Variants in ERCC8 observed in about 807,000 individuals in gnomAD.
The protein encoded by ERCC8 is DNA excision repair protein ERCC-8.
A neutral mutation model predicts 54.9 loss-of-function variants in ERCC8; 52 were observed. That is an observed-to-expected ratio of 0.95 (90% CI 0.76 to 1.19). The LOEUF is 1.19. Among genes scored for constraint, ERCC8 ranks in the 50% most tolerant of loss-of-function variants. The pLI is 0.00. For synonymous variants in ERCC8, 146 were observed against 157.2 expected (o/e 0.93, Z 0.53); for missense variants, 514 against 466.1 (o/e 1.10, Z -0.95).
intron 2 of ERCC8, chr5:60,924,462 G>C (rs1463718478): frequency 6.5e-6 from 1 of 154,426 alleles, no homozygotes; most frequent in African/African-American, 2.4e-5. Flanking sequence ...TAAAATCCTT[G>C]ACTCACATTT....
chr5:60,933,216 C>CTTTTTTTTTTTT (rs143139297), intron 1 of ERCC8, among the ~76,000 whole-genome samples: 21 of 89,486 alleles, frequency 2.3e-4, no homozygotes, highest in Admixed American at 5.0e-4. Flanking sequence ...CCTTTTTTTT[C>CTTTTTTTTTTTT]TTTTTTTTTT....
intron 11 of ERCC8, among the ~76,000 whole-genome samples, chr5:60,885,331 A>G (rs1169947903): frequency 1.3e-5 from 2 of 152,088 alleles, no homozygotes; most frequent in Non-Finnish European, 2.9e-5. Flanking sequence ...ATCTTTAAGA[A>G]TTAAACAATT....
chr5:60,885,195 G>A (rs1332709832), intron 11 of ERCC8, among the ~76,000 whole-genome samples: 1 of 151,892 alleles, frequency 6.6e-6, no homozygotes, highest in African/African-American at 2.4e-5. Flanking sequence ...TCTATTTTTT[G>A]TAGAGATGGG....
chr5:60,886,944 TAGA>T (rs1748411947), intron 11 of ERCC8, among the ~76,000 whole-genome samples: 1 of 152,048 alleles, frequency 6.6e-6, no homozygotes, highest in Admixed American at 6.6e-5. Flanking sequence ...AGAATATCAT[TAGA>T]AATGTTTACA....
chr5:60,907,008 A>C (rs1370487127), intron 4 of ERCC8, among the ~76,000 whole-genome samples: 1 of 152,238 alleles, frequency 6.6e-6, no homozygotes, highest in Non-Finnish European at 1.5e-5. Context: ...CTTGCCCATG[A>C]GCCCAGACTT....
At chr5:60,878,147 G>T (rs1007611017) in intron 11 of ERCC8, among the ~76,000 whole-genome samples, 1 of 152,144 alleles carries the variant, frequency 6.6e-6, no homozygotes, top group Non-Finnish European at 1.5e-5. Context: ...TTTTGTCATT[G>T]GTTCTGTTTA....
intron 1 of ERCC8, among the ~76,000 whole-genome samples, chr5:60,929,417 G>C (rs189921460): frequency 7.2e-5 from 11 of 152,102 alleles, no homozygotes; most frequent in African/African-American, 9.6e-5. Flanking sequence ...GCAACATAGC[G>C]AGACCCCATC....
intron 7 of ERCC8, among the ~76,000 whole-genome samples, chr5:60,901,167 C>G (rs1748894098): frequency 6.6e-6 from 1 of 151,932 alleles, no homozygotes; most frequent in African/African-American, 2.4e-5. Flanking sequence ...TATTTGATTA[C>G]TACTTCCTAT....
rs1747880496 is a variant in ERCC8, at chr5:60,872,351, A to C, written c.*2264T>G. ...CTTCTGCACAGCAAAGGAAACAATT[A>C]ATAGGGTGAAGAGACAACCTACAGA... is the stretch of plus-strand genomic sequence containing the variant. On this transcript the variant is annotated 3_prime_UTR_variant, in exon 12 of 12. Transcript: ENST00000676185. Among the ~76,000 whole-genome samples, 1 of 152,140 alleles carries C rather than the reference A, an allele frequency of 6.6e-6. No homozygotes were observed. Among genetic ancestry groups the C allele is most frequent in the South Asian group, 2.1e-4 (1 of 4,828 alleles).
chr5:60,878,534 T>G (rs1748091744), intron 11 of ERCC8, among the ~76,000 whole-genome samples: 1 of 152,236 alleles, frequency 6.6e-6, no homozygotes, highest in South Asian at 2.1e-4. Flanking sequence ...TATCAATGAT[T>G]GCCTCAATTT....
intron 11 of ERCC8, among the ~76,000 whole-genome samples, chr5:60,883,817 G>C (rs1408181148): frequency 6.6e-6 from 1 of 152,174 alleles, no homozygotes; most frequent in Non-Finnish European, 1.5e-5. Flanking sequence ...GTCTTGACCA[G>C]ACCAGCTTTT....
At chr5:60,875,739 C>G (rs147517431) in intron 11 of ERCC8, among the ~76,000 whole-genome samples, 1 of 152,070 alleles carries the variant, frequency 6.6e-6, no homozygotes, top group African/African-American at 2.4e-5. Flanking sequence ...CACTGTCGCC[C>G]GGGCTGGAGT....
At chr5:60,914,861 G>A (rs1580018201) in intron 4 of ERCC8, among the ~76,000 whole-genome samples, 1 of 149,216 alleles carries the variant, frequency 6.7e-6, no homozygotes, top group Non-Finnish European at 1.5e-5. Context: ...TGACTAATAT[G>A]TAGTTTTCCC....
At chr5:60,891,992 A>T (rs1748576025) in intron 9 of ERCC8, 1 of 530,406 alleles carries the variant, frequency 1.9e-6, no homozygotes, top group South Asian at 1.4e-5. Flanking sequence ...ATGGAATCAG[A>T]CAGCTCCCTG....
At chr5:60,889,938 TC>T (rs1369082574) in intron 10 of ERCC8, among the ~76,000 whole-genome samples, 2 of 152,062 alleles carry the variant, frequency 1.3e-5, no homozygotes, top group Non-Finnish European at 2.9e-5. Flanking sequence ...GTCTTGTAGG[TC>T]CCCTTTTAGT....
chr5:60,931,790 A>G lies in ERCC8; in HGVS notation c.78-2831T>C, dbSNP rs115291910. 1.5e-3 allele frequency among the ~76,000 whole-genome samples: 221 copies of G among 152,292 alleles called. 1 individual carries two copies. The highest frequency in any genetic ancestry group is 5.2e-3 in the African/African-American group (217 of 41,550). ...TATATGCTCTTTGTAACAAGTAAAA[A>G]CAGTATCATTCAAACATGTATAAAG... On this transcript the variant is annotated intron_variant, in intron 1 of 11. Coordinates refer to ENST00000676185, the MANE Select transcript of ERCC8 (RefSeq NM_000082.4).
intron 10 of ERCC8, among the ~76,000 whole-genome samples, chr5:60,890,268 C>T (rs1168700125): frequency 2.0e-5 from 3 of 152,062 alleles, no homozygotes; most frequent in Non-Finnish European, 4.4e-5. Context: ...TTTCATTTTC[C>T]TTACCTACAA....
rs764193963 is a variant in ERCC8 at position 60,922,153 on chromosome 5, A to G, written c.176T>C (p.Met59Thr). The G allele has an allele frequency of 6.3e-6, 10 of 1,585,208 alleles. No individual in the cohort carries two copies. In the South Asian group the frequency reaches 1.1e-4, roughly 18 times the overall value. The change falls in exon 3 of 12, where the codon ATG (methionine) becomes ACG (threonine). Residue 59 changes from methionine (M) to threonine (T), a missense_variant and splice_region_variant. Physicochemically the swap from Met to Thr is moderately conservative, Grantham distance 81 (BLOSUM62 -1). Transcript: ENST00000676185. ...CACACCATCTGAACCACCTGATAAC[A>G]TGCTGATAATAAAAAAGTTCACATT... Reference protein sequence around the residue: ...LDIEPVEGRYMLSGGSDGVIV... With the variant: ...LDIEPVEGRYTLSGGSDGVIV...
chr5:60,895,039 C>T (rs574013950), intron 9 of ERCC8, among the ~76,000 whole-genome samples: 48 of 151,944 alleles, frequency 3.2e-4, no homozygotes, highest in African/African-American at 9.4e-4. Flanking sequence ...GGCCTGGTGG[C>T]GGGTACCTGT....
Sources: gnomAD v4.1 joint callset for allele counts (sites outside exome capture counted in the v4.1 genomes callset) on GRCh38, gnomAD v4.1.1 for gene constraint, MANE v1.5 for transcripts, NCBI Gene and HGNC (gene_info 2026-07-23, HGNC 2026-07-21) for gene names.